Variants in DIAPH2 observed in about 807,000 individuals in gnomAD.
The protein encoded by DIAPH2 is diaphanous related formin 2.
Under a neutral mutation model 92.7 loss-of-function variants are expected in DIAPH2, and 35 were observed. The ratio of observed to expected loss-of-function variants is 0.38; its 90% CI spans 0.29 to 0.50. The LOEUF is 0.50. Among genes scored for constraint, DIAPH2 ranks in the 20% least tolerant of loss-of-function variants. The probability of loss-of-function intolerance (pLI) is 0.94; values close to 1 mark genes in which losing one functional copy is unlikely to be tolerated. For synonymous variants in DIAPH2, 301 were observed against 280.4 expected (o/e 1.07, Z -0.73); for missense variants, 701 against 819.5 (o/e 0.86, Z 1.77).
chrX:96,967,720 A>G (rs1183358070), intron 17 of DIAPH2, among the ~76,000 whole-genome samples: 2 of 110,469 alleles, frequency 1.8e-5, no homozygotes, highest in African/African-American at 6.6e-5. Context: ...CCTGGCCAGG[A>G]TATGATTTTT....
At chrX:96,983,464 C>T (rs1368924958) in intron 17 of DIAPH2, among the ~76,000 whole-genome samples, 2 of 112,084 alleles carry the variant, frequency 1.8e-5, no homozygotes, top group Non-Finnish European at 3.8e-5. Flanking sequence ...ATAATATTTG[C>T]TTTCTGCAGT....
Position 97,011,830 on chromosome X carries a change from T to C in DIAPH2, c.2050+46623T>C, listed in dbSNP as rs189165147. Among the ~76,000 whole-genome samples the C allele has an allele frequency of 1.4e-4, 13 of 91,694 alleles. 1 individual carries two copies. The highest frequency in any genetic ancestry group is 0.016 in the Middle Eastern group (2 of 127). 79.6% of individuals were successfully genotyped at this position (91,694 alleles called of 115,157 possible). The stretch of plus-strand genomic sequence containing the variant: ...TCGCTGGACCCTGGGAGGTGGAGGT[T>C]GCAGTGAGCCGAGATCGCATCACTG... On this transcript the variant is annotated intron_variant, in intron 17 of 26. Transcript: ENST00000324765.
intron 23 of DIAPH2, among the ~76,000 whole-genome samples, chrX:97,284,558 C>T (rs187428190): frequency 1.0e-3 from 109 of 106,038 alleles, no homozygotes; most frequent in African/African-American, 3.7e-3. Context: ...TGTGGTGAGC[C>T]GAGATCGCGC....
At chrX:96,916,245 C>G (rs889984137) in intron 7 of DIAPH2, among the ~76,000 whole-genome samples, 193 bp from the exon 8 acceptor site, 1 of 110,678 alleles carries the variant, frequency 9.0e-6, no homozygotes, top group Non-Finnish European at 1.9e-5. Context: ...GATCAAGGAG[C>G]AACAACTCCA....
intron 17 of DIAPH2, among the ~76,000 whole-genome samples, chrX:96,966,681 T>C (rs1194582846): frequency 8.9e-6 from 1 of 112,042 alleles, no homozygotes; most frequent in East Asian, 2.8e-4. Flanking sequence ...ATTAATCCCA[T>C]ATCAATGGCT....
intron 26 of DIAPH2, among the ~76,000 whole-genome samples, chrX:97,454,706 T>A (rs1379050225): frequency 9.1e-6 from 1 of 110,114 alleles, no homozygotes; most frequent in African/African-American, 3.3e-5. Flanking sequence ...ATAAAAAAAA[T>A]TAGCCGGGTG....
intron 14 of DIAPH2, among the ~76,000 whole-genome samples, chrX:96,946,018 G>A (rs1361683049): frequency 9.0e-6 from 1 of 111,652 alleles, no homozygotes; most frequent in Non-Finnish European, 1.9e-5. Flanking sequence ...GTACCAACAT[G>A]TTGCAGTGTT....
At chrX:96,787,751 C>CATGAT (rs1442209275) in intron 4 of DIAPH2, among the ~76,000 whole-genome samples, 1 of 94,944 alleles carries the variant, frequency 1.1e-5, no homozygotes, top group African/African-American at 4.0e-5. Context: ...AGTACAGTGG[C>CATGAT]ATGATCTTGG....
chrX:97,506,211 G>A (rs1164682362), intron 26 of DIAPH2, among the ~76,000 whole-genome samples: 2 of 87,567 alleles, frequency 2.3e-5, no homozygotes, highest in African/African-American at 8.6e-5. Context: ...GTGCAATGGC[G>A]CCATCTTGGC....
chrX:97,375,753 A>G (rs757948090), intron 24 of DIAPH2, among the ~76,000 whole-genome samples: 44 of 111,286 alleles, frequency 4.0e-4, no homozygotes, highest in Non-Finnish European at 7.0e-4. Flanking sequence ...TATGACTGGA[A>G]TGAAATGAGA....
rs188773669 is a variant in DIAPH2 at position 97,369,944 on chromosome X, G to A, written c.3010-13965G>A. On this transcript the variant is annotated intron_variant, in intron 24 of 26. Coordinates refer to ENST00000324765, the MANE Select transcript of DIAPH2 (RefSeq NM_006729.5). ...TAATAAGAACTAGACTTTAGAGTAC[G>A]ATTTTAACTGATAGTAAGACAGTGC... Among the ~76,000 whole-genome samples, 24 of 111,443 alleles carry A rather than the reference G, an allele frequency of 2.2e-4. No homozygotes were observed. The East Asian group carries it at 4.2e-3, about 20-fold the overall frequency.
intron 22 of DIAPH2, among the ~76,000 whole-genome samples, chrX:97,198,297 CACACACAT>C (rs1376272093): frequency 1.9e-5 from 2 of 107,299 alleles, no homozygotes; most frequent in Non-Finnish European, 3.9e-5. Flanking sequence ...CACACACACA[CACACACAT>C]ATGTGTATAT....
At chrX:96,691,278 AT>A (rs905953375) in intron 1 of DIAPH2, among the ~76,000 whole-genome samples, 87 of 111,173 alleles carry the variant, frequency 7.8e-4, no homozygotes, top group African/African-American at 2.7e-3. Flanking sequence ...TGTTTGATAC[AT>A]TTTTTTCCCC....
At chrX:96,887,116 T>C (rs2065268527) in intron 5 of DIAPH2, among the ~76,000 whole-genome samples, 1 of 111,329 alleles carries the variant, frequency 9.0e-6, no homozygotes, top group Non-Finnish European at 1.9e-5. Flanking sequence ...TCGTGTGCTT[T>C]AGTGGATTCT....
At chrX:96,791,032 C>T (rs1007782963) in intron 4 of DIAPH2, among the ~76,000 whole-genome samples, 3 of 111,925 alleles carry the variant, frequency 2.7e-5, no homozygotes, top group African/African-American at 9.7e-5. Flanking sequence ...ATATCTTTGA[C>T]GTACACAGCA....
intron 4 of DIAPH2, among the ~76,000 whole-genome samples, chrX:96,814,649 C>T (rs1361555751): frequency 1.8e-5 from 2 of 112,320 alleles, no homozygotes; most frequent in African/African-American, 6.5e-5. Context: ...CTGATTTCTT[C>T]TCATCTTTGT....
intron 26 of DIAPH2, among the ~76,000 whole-genome samples, chrX:97,519,817 C>G (rs997030774): frequency 3.6e-5 from 4 of 111,050 alleles, no homozygotes; most frequent in South Asian, 3.8e-4. Flanking sequence ...CCTCCTCCCC[C>G]CAGGGTCAAG....
At chrX:97,518,488 ATATG>A (rs2070966370) in intron 26 of DIAPH2, among the ~76,000 whole-genome samples, 1 of 110,152 alleles carries the variant, frequency 9.1e-6, no homozygotes, top group Non-Finnish European at 1.9e-5. Context: ...TAGCATATAT[ATATG>A]TATGTATGTG....
intron 23 of DIAPH2, among the ~76,000 whole-genome samples, chrX:97,262,129 A>G (rs765977216): frequency 9.2e-6 from 1 of 109,064 alleles, no homozygotes; most frequent in South Asian, 4.0e-4. Context: ...GCCTTTGAGC[A>G]TATATTCACA....
Sources: allele counts gnomAD v4.1 joint callset (sites outside exome capture counted in the v4.1 genomes callset), GRCh38; gene constraint gnomAD v4.1.1; transcripts MANE v1.5; gene names NCBI Gene and HGNC (gene_info 2026-07-23, HGNC 2026-07-21).